JDP2: variants seen among roughly 807,000 people sequenced by gnomAD.
JDP2 encodes progesterone receptor co-activator.
Under a neutral mutation model 17.1 loss-of-function variants are expected in JDP2, and 9 were observed. The ratio of observed to expected loss-of-function variants is 0.53; its 90% CI spans 0.32 to 0.92. JDP2 has a LOEUF of 0.92. Among genes scored for constraint, JDP2 ranks in the 40% least tolerant of loss-of-function variants. The pLI, the probability that JDP2 is intolerant of heterozygous loss-of-function variation, is 0.04. For missense variants in JDP2, 179 were observed against 220.0 expected (o/e 0.81, Z 1.18); for synonymous variants, 107 against 95.6 (o/e 1.12, Z -0.69).
Position 75,463,172 on chromosome 14 carries a change from A to G in JDP2, c.306+1642A>G, listed in dbSNP as rs7161122. ...CAGTGCAATAAAGAGTTGGTGCCCA[A>G]TGAATGGCACTCACTGCCCATCACA... On this transcript the variant is annotated intron_variant, in intron 3 of 3. Coordinates refer to ENST00000651602, the MANE Select transcript of JDP2 (RefSeq NM_001135048.2). 8.0e-3 allele frequency among the ~76,000 whole-genome samples: 1,214 copies of G among 152,370 alleles called. 14 individuals carry two copies. The highest frequency in any genetic ancestry group is 0.027 in the African/African-American group (1,137 of 41,570).
intron 2 of JDP2, among the ~76,000 whole-genome samples, chr14:75,441,815 A>G (rs1594952993): frequency 6.6e-6 from 1 of 151,212 alleles, no homozygotes; most frequent in Admixed American, 6.6e-5. Flanking sequence ...TCACAGCTGG[A>G]CTCCTCCACC....
intron 1 of JDP2, among the ~76,000 whole-genome samples, chr14:75,434,153 C>G (rs1255595636): frequency 6.6e-6 from 1 of 152,288 alleles, no homozygotes; most frequent in African/African-American, 2.4e-5. Context: ...CCCCCACTCC[C>G]CCTTTTTTAT....
chr14:75,436,173 C>T (rs888416521), intron 1 of JDP2, among the ~76,000 whole-genome samples: 2 of 152,180 alleles, frequency 1.3e-5, no homozygotes, highest in Admixed American at 1.3e-4. Flanking sequence ...ATATGGCTTG[C>T]ACTCTTGGCC....
chr14:75,456,287 A>G (rs1886102622), intron 2 of JDP2, among the ~76,000 whole-genome samples: 2 of 152,068 alleles, frequency 1.3e-5, no homozygotes, highest in African/African-American at 2.4e-5. Context: ...ACATCTCTGC[A>G]TGTTTCTCTC....
chr14:75,456,208 C>T (rs543592036), intron 2 of JDP2, among the ~76,000 whole-genome samples: 86 of 152,338 alleles, frequency 5.6e-4, no homozygotes, highest in Non-Finnish European at 1.0e-3. Flanking sequence ...ATCAAGAGGA[C>T]CAAGACAGCG....
rs1885071692 is a variant in JDP2 at position 75,436,538 on chromosome 14, AAG to A, written c.-23-1357_-23-1356del. On this transcript the variant is annotated intron_variant, in intron 1 of 3. Transcript: ENST00000651602. ...GATTTCCTTTCCAGGACTAGAATCT[AAG>A]AGCAGTTTTGTACTAACATGCTACT... Among the ~76,000 whole-genome samples, 3 of 152,280 alleles carry A rather than the reference AAG, an allele frequency of 2.0e-5. No homozygotes were observed. The South Asian group carries it at 6.2e-4, about 31-fold the overall frequency.
chr14:75,448,838 G>A (rs1885724372), intron 2 of JDP2, among the ~76,000 whole-genome samples: 1 of 152,142 alleles, frequency 6.6e-6, no homozygotes, highest in African/African-American at 2.4e-5. Context: ...TCTGATAACT[G>A]AGGATCCACT....
intron 2 of JDP2, among the ~76,000 whole-genome samples, chr14:75,446,448 C>A (rs1430056628): frequency 6.6e-6 from 1 of 152,194 alleles, no homozygotes; most frequent in Non-Finnish European, 1.5e-5. Flanking sequence ...ATGGTCTATC[C>A]ATACAATGGA....
intron 1 of JDP2, among the ~76,000 whole-genome samples, chr14:75,436,064 A>G (rs1219767841): frequency 6.6e-6 from 1 of 152,202 alleles, no homozygotes; most frequent in Non-Finnish European, 1.5e-5. Flanking sequence ...AGTTACTCAC[A>G]TGCTTTTTCT....
At chr14:75,440,087 C>A (rs766564775) in intron 2 of JDP2, among the ~76,000 whole-genome samples, 1 of 152,178 alleles carries the variant, frequency 6.6e-6, no homozygotes, top group Non-Finnish European at 1.5e-5. Flanking sequence ...CATTTTACAG[C>A]CACCCCCAAA....
At chr14:75,458,939 G>A (rs769498589) in intron 2 of JDP2, among the ~76,000 whole-genome samples, 3 of 152,190 alleles carry the variant, frequency 2.0e-5, no homozygotes, top group Admixed American at 6.5e-5. Flanking sequence ...GAGGAGGAGC[G>A]GCCCCTGACC....
At chr14:75,437,172 C>CA (rs11302124) in intron 1 of JDP2, among the ~76,000 whole-genome samples, 4,396 of 97,744 alleles carry the variant, frequency 0.045, 246 homozygotes, top group African/African-American at 0.13. Context: ...CCAGCCTGGG[C>CA]AAAAAAAAAA....
chr14:75,453,932 C>G (rs1426633703), intron 2 of JDP2, among the ~76,000 whole-genome samples: 1 of 152,088 alleles, frequency 6.6e-6, no homozygotes, highest in Non-Finnish European at 1.5e-5. Context: ...TCCTTTATTT[C>G]TTTGTCCATG....
intron 2 of JDP2, among the ~76,000 whole-genome samples, chr14:75,440,242 TG>T (rs1220767052): frequency 6.6e-6 from 1 of 152,088 alleles, no homozygotes; most frequent in African/African-American, 2.4e-5. Flanking sequence ...TGCAGTGTTG[TG>T]GGGGCGAAGA....
chr14:75,459,666 C>T (rs1233488312), intron 2 of JDP2, among the ~76,000 whole-genome samples: 1 of 152,174 alleles, frequency 6.6e-6, no homozygotes, highest in Non-Finnish European at 1.5e-5. Context: ...CCAGAGTCAC[C>T]CCCCACACCC....
intron 2 of JDP2, among the ~76,000 whole-genome samples, chr14:75,444,675 C>A (rs147002281): frequency 1.3e-5 from 2 of 152,194 alleles, no homozygotes; most frequent in Non-Finnish European, 2.9e-5. Context: ...AGCTTCATCG[C>A]GAAGATTAAG....
Position 75,428,400 on chromosome 14 carries a change from C to T in JDP2, c.-24+148C>T, listed in dbSNP as rs1472528953. On this transcript the variant is annotated intron_variant, in intron 1 of 3. Coordinates refer to ENST00000651602, the MANE Select transcript of JDP2 (RefSeq NM_001135048.2). The surrounding 1 kb of genome is among the most constrained non-coding windows in gnomAD (Gnocchi z 5.6). ...GGGGAGGCTCCCGCAGCCCAGGGAC[C>T]TCGAGCTTTCCCCGCGCCGGGCGCT... 1.3e-5 allele frequency: 2 copies of T among 151,480 alleles called. No individual in the cohort carries two copies. The highest frequency in any genetic ancestry group is 4.8e-5 in the African/African-American group (2 of 41,302). The allele number at this position is 151,480 out of a possible 1,614,324, so 9.4% of individuals were successfully genotyped here. A position where few individuals can be genotyped will look rare whatever the true frequency, so the allele number is the denominator to read the frequency against.
intron 2 of JDP2, among the ~76,000 whole-genome samples, chr14:75,447,363 T>C (rs1266038419): frequency 6.6e-6 from 1 of 152,202 alleles, no homozygotes; most frequent in East Asian, 1.9e-4. Context: ...TGAGGTGGTG[T>C]TAGTAGTATG....
intron 2 of JDP2, among the ~76,000 whole-genome samples, chr14:75,452,955 G>GAGAC (rs1885933198): frequency 6.6e-6 from 1 of 152,254 alleles, no homozygotes; most frequent in African/African-American, 2.4e-5. Flanking sequence ...GATGACGGGA[G>GAGAC]AGACAGGAGG....
Sources: allele counts gnomAD v4.1 joint callset (sites outside exome capture counted in the v4.1 genomes callset), GRCh38; gene constraint gnomAD v4.1.1; non-coding constraint Gnocchi (gnomAD v3.1); transcripts MANE v1.5; gene names NCBI Gene and HGNC (gene_info 2026-07-23, HGNC 2026-07-21).